Variants in SGCD observed in about 807,000 individuals in gnomAD.
SGCD encodes the protein sarcoglycan delta.
Under a neutral mutation model 36.6 loss-of-function variants are expected in SGCD, and 18 were observed. The ratio of observed to expected loss-of-function variants is 0.49; its 90% CI spans 0.34 to 0.73. The LOEUF is 0.73. Among genes scored for constraint, SGCD ranks in the 30% least tolerant of loss-of-function variants. SGCD has a pLI of 0.01. For synonymous variants in SGCD, 133 were observed against 130.6 expected (o/e 1.02, Z -0.12); for missense variants, 387 against 346.7 (o/e 1.12, Z -0.92).
chr5:156,393,703 G>A, intron 3 of SGCD: 1 of 456,080 alleles, frequency 2.2e-6, no homozygotes, highest in Non-Finnish European at 4.4e-6. Context: ...AGAGCCATTG[G>A]TACATAGTTA....
chr5:155,916,004 C>T (rs6892760), intron 1 of SGCD, among the ~76,000 whole-genome samples: 1,584 of 152,270 alleles, frequency 0.01, 28 homozygotes, highest in African/African-American at 0.036. Flanking sequence ...GAGAAAAATA[C>T]TTTACAGAAT....
At chr5:156,297,657 C>T (rs182712075) in intron 3 of SGCD, among the ~76,000 whole-genome samples, 44 of 57,050 alleles carry the variant, frequency 7.7e-4, no homozygotes, top group African/African-American at 3.2e-3. Context: ...GGGAGGGGGG[C>T]GGGATAGCAT....
Position 156,757,681 on chromosome 5 carries a change from A to C in SGCD, c.676A>C (p.Arg226=), listed in dbSNP as rs2113178074. The C allele has an allele frequency of 6.2e-7, 1 of 1,607,516 alleles. No homozygotes were observed. The highest frequency in any genetic ancestry group is 8.5e-7 in the Non-Finnish European group (1 of 1,176,972). The stretch of plus-strand genomic sequence containing the variant: ...GGAAGCCACCTGCAGGACAGAGCTG[A>C]GACTGGAATCCAAAGATGGAGAGGT... ...NMEATCRTEL[R]LESKDGEIKL... The change falls in exon 8 of 9, where the codon AGA becomes CGA. Residue 226 remains arginine (R), a synonymous_variant. Coordinates refer to ENST00000337851, the MANE Select transcript of SGCD (RefSeq NM_000337.6).
Position 156,186,364 on chromosome 5 carries a change from G to T in SGCD, c.-44+62345G>T, listed in dbSNP as rs1763761670. On this transcript the variant is annotated intron_variant, in intron 3 of 9. Transcript: ENST00000517913. ...TGCTATGATACTGTTGTTGCCATAT[G>T]GTCTGTTGTCCTTTGAAGATACCGC... Among the ~76,000 whole-genome samples the T allele has an allele frequency of 2.6e-5, 4 of 152,074 alleles. No individual in the cohort carries two copies. The South Asian group carries it at 8.3e-4, about 31-fold the overall frequency.
intron 1 of SGCD, among the ~76,000 whole-genome samples, chr5:155,956,578 A>G (rs147911035): frequency 9.8e-4 from 149 of 152,220 alleles, no homozygotes; most frequent in African/African-American, 2.1e-3. Flanking sequence ...AAGCAACACA[A>G]ATTTATTCTT....
At chr5:156,070,109 G>A (rs376641501) in intron 1 of SGCD, among the ~76,000 whole-genome samples, 1 of 143,900 alleles carries the variant, frequency 6.9e-6, no homozygotes, top group Admixed American at 6.7e-5. Context: ...TTTCCTAATT[G>A]GATACCCTTT....
chr5:155,816,670 T>A, the SGCD span, among the ~76,000 whole-genome samples: 1 of 152,126 alleles, frequency 6.6e-6, no homozygotes, highest in Non-Finnish European at 1.5e-5. Flanking sequence ...GAGAGCTTCC[T>A]AGAGGGGGTG....
Position 156,008,420 on chromosome 5 carries a change from G to A in SGCD, c.-281-109458G>A, listed in dbSNP as rs535758884. Among the ~76,000 whole-genome samples the A allele has an allele frequency of 7.2e-5, 11 of 152,098 alleles. No homozygotes were observed. In the South Asian group the frequency reaches 2.3e-3, roughly 32 times the overall value. On this transcript the variant is annotated intron_variant, in intron 1 of 9. Transcript: ENST00000517913. ...AGACAGGTTCTGGCTCTGCTCTTCA[G>A]GCTGGAGTGCAGTAGCACGATCATG...
chr5:155,969,776 A>G (rs1037883459), intron 1 of SGCD, among the ~76,000 whole-genome samples: 4 of 151,970 alleles, frequency 2.6e-5, no homozygotes, highest in Non-Finnish European at 1.5e-5. Context: ...AGCACCTCCT[A>G]CCCAGTGGGT....
chr5:156,288,092 C>G (rs1021368127), intron 3 of SGCD, among the ~76,000 whole-genome samples: 3 of 152,136 alleles, frequency 2.0e-5, no homozygotes, highest in Non-Finnish European at 4.4e-5. Flanking sequence ...TGAGACTTAT[C>G]ATGTTCTTCA....
At position 156,053,831 on chromosome 5, in the gene SGCD, G is replaced by C. The variant is rs148002370; in HGVS notation, c.-281-64047G>C. 3.3e-3 allele frequency among the ~76,000 whole-genome samples: 477 copies of C among 146,518 alleles called. 29 individuals carry two copies. In the South Asian group the frequency reaches 0.053, roughly 16 times the overall value. On this transcript the variant is annotated intron_variant, in intron 1 of 9. Coordinates refer to the SGCD transcript ENST00000517913. ...TGGGGCCTGCAAAGTTCAAAATCAA[G>C]ATGCTGGCAGATTCAATATCTGGTG...
chr5:156,532,295 C>T (rs1757919837), intron 4 of SGCD, among the ~76,000 whole-genome samples: 1 of 151,978 alleles, frequency 6.6e-6, no homozygotes. Flanking sequence ...TCTGCTGTTG[C>T]AGAGATTGAA....
intron 1 of SGCD, among the ~76,000 whole-genome samples, chr5:156,072,537 G>A (rs57407908): frequency 0.5 from 74,996 of 150,704 alleles, 22,905 homozygotes; most frequent in African/African-American, 0.86. Context: ...AGGGTAACCC[G>A]ACCTTTCTCT....
intron 4 of SGCD, among the ~76,000 whole-genome samples, chr5:156,561,440 A>G (rs949849738): frequency 2.0e-5 from 3 of 152,232 alleles, no homozygotes; most frequent in Admixed American, 6.5e-5. Flanking sequence ...ATAGCAAAAG[A>G]CTGGCTGAAA....
intron 3 of SGCD, among the ~76,000 whole-genome samples, chr5:156,358,690 A>G (rs374884407): frequency 6.6e-6 from 1 of 152,220 alleles, no homozygotes; most frequent in Non-Finnish European, 1.5e-5. Context: ...GGATAAGTGG[A>G]TGGTGTAAAG....
At chr5:156,127,080 T>A (rs1762190285) in intron 3 of SGCD, among the ~76,000 whole-genome samples, 1 of 152,198 alleles carries the variant, frequency 6.6e-6, no homozygotes, top group African/African-American at 2.4e-5. Flanking sequence ...AATCTAAGAA[T>A]ATTAATGACC....
chr5:155,774,761 A>G, the SGCD span, among the ~76,000 whole-genome samples: 1 of 152,008 alleles, frequency 6.6e-6, no homozygotes, highest in Non-Finnish European at 1.5e-5. Flanking sequence ...TCATCTCCCC[A>G]CCTCAAGGTC....
chr5:156,429,970 T>A (rs6556609), intron 3 of SGCD, among the ~76,000 whole-genome samples: 117,433 of 152,020 alleles, frequency 0.77, 46,233 homozygotes, highest in African/African-American at 0.92. Context: ...TCAATACTTT[T>A]TCTTGACTTT....
At chr5:156,237,635 A>AT (rs1400988323) in intron 3 of SGCD, among the ~76,000 whole-genome samples, 1 of 152,210 alleles carries the variant, frequency 6.6e-6, no homozygotes, top group Non-Finnish European at 1.5e-5. Context: ...AATGAAAAAA[A>AT]CAAAAAACAA....
Sources: allele counts gnomAD v4.1 joint callset (sites outside exome capture counted in the v4.1 genomes callset), GRCh38; gene constraint gnomAD v4.1.1; transcripts MANE v1.5; gene names NCBI Gene and HGNC (gene_info 2026-07-23, HGNC 2026-07-21).